Variants in ATM observed in about 807,000 individuals in gnomAD.
ATM encodes ATM serine/threonine kinase.
Under a neutral mutation model 387.0 loss-of-function variants are expected in ATM, and 308 were observed. The observed-to-expected ratio is 0.80, with a 90% CI of 0.73 to 0.87. The LOEUF is 0.87. Ranked by LOEUF, ATM falls within the 40% of genes least tolerant of loss-of-function variation. The pLI is 0.00. For synonymous variants in ATM, 1,156 were observed against 1,187.3 expected, an observed-to-expected ratio of 0.97 and a Z score of 0.54; for missense variants, 3,312 against 3,560.9, an observed-to-expected ratio of 0.93 and a Z score of 1.78.
At chr11:108,323,854 A>G (rs898675593) in intron 45 of ATM, among the ~76,000 whole-genome samples, 20 of 152,190 alleles carry the variant, frequency 1.3e-4, no homozygotes, top group African/African-American at 4.6e-4. Context: ...CAACCAAAAC[A>G]TTAAATAATA....
At position 108,257,543 on chromosome 11, in the gene ATM, C is replaced by T. The variant is rs2135406964; in HGVS notation, c.2313C>T (p.Phe771=). Residue 771 remains phenylalanine (F), a synonymous_variant, in exon 15 of 63, where the codon TTC becomes TTT. Transcript: ENST00000675843. ...TLFKNKTNEE[F]RIGSLRNMMQ... Reference sequence around the variant, plus strand: ...TTAAAAATAAGACAAATGAGGAATTCAGAATTGGTTCCTTGAGAAATATGA... The same window carrying T: ...TTAAAAATAAGACAAATGAGGAATTTAGAATTGGTTCCTTGAGAAATATGA... The T allele has an allele frequency of 6.2e-7, 1 of 1,613,976 alleles. No individual in the cohort carries two copies. The highest frequency in any genetic ancestry group is 2.2e-5 in the East Asian group (1 of 44,870).
Position 108,327,653 on chromosome 11 carries a change from C to T in ATM, c.6984C>T (p.Pro2328=), listed in dbSNP as rs2136373190. The T allele has an allele frequency of 1.2e-6, 2 of 1,613,576 alleles. No individual in the cohort carries two copies. Among genetic ancestry groups the T allele is most frequent in the South Asian group, 2.2e-5 (2 of 91,058 alleles). ...TTGCCTTTCTTATACAGAACAATCC[C>T]AGCCTAAAACTTACATACACAGAAT... The part of the protein sequence containing the change: ...KLDASCAANN[P]SLKLTYTECL... Residue 2328 remains proline (P), a synonymous_variant, in exon 48 of 63, where the codon CCC becomes CCT. Transcript: ENST00000675843.
chr11:108,340,565 AC>A (rs2136853705), intron 56 of ATM, among the ~76,000 whole-genome samples: 1 of 152,288 alleles, frequency 6.6e-6, no homozygotes, highest in African/African-American at 2.4e-5. Context: ...CCCTGCTATT[AC>A]CACCCTACTT....
At position 108,332,171 on chromosome 11, in the gene ATM, T is replaced by TAATC. The variant is rs2086330669; in HGVS notation, c.7788+135_7788+138dup. ...AGGCTGGCACGGTGGCTCACGCCTG[T>TAATC]AATCCCAGCACTTTGGGAGGCTGAG... On this transcript the variant is annotated intron_variant, in intron 52 of 62. Coordinates refer to ENST00000675843, the MANE Select transcript of ATM (RefSeq NM_000051.4). The TAATC allele has an allele frequency of 2.6e-6, 3 of 1,147,918 alleles. No homozygotes were observed. In the South Asian group the frequency reaches 4.1e-5, roughly 16 times the overall value. 71.1% of individuals were successfully genotyped at this position (1,147,918 alleles called of 1,614,324 possible). A position where few individuals can be genotyped will look rare whatever the true frequency, so the allele number is the denominator to read the frequency against.
intron 13 of ATM, among the ~76,000 whole-genome samples, chr11:108,254,412 G>C (rs377448521): frequency 1.3e-5 from 2 of 152,144 alleles, no homozygotes; most frequent in Non-Finnish European, 2.9e-5. Flanking sequence ...GATTTTGGTG[G>C]CATCTGAAGA....
intron 46 of ATM, 54 bp from the exon 47 acceptor site, chr11:108,326,004 G>A (rs2085639950): frequency 2.5e-6 from 4 of 1,574,038 alleles, no homozygotes; most frequent in Non-Finnish European, 2.6e-6. Context: ...TATTATTCAT[G>A]GTAGTAGTAT....
chr11:108,332,631 T>C (rs1441021546), intron 52 of ATM, 131 bp from the exon 53 acceptor site: 2 of 986,146 alleles, frequency 2.0e-6, no homozygotes, highest in Non-Finnish European at 3.0e-6. Context: ...TTTGTTTGTA[T>C]CTGAGGAATT....
In ATM at chr11:108,253,856, A is replaced by C. The variant is rs2080297000; in HGVS notation, c.1941A>C (p.Glu647Asp). The C allele has an allele frequency of 6.2e-7, 1 of 1,613,980 alleles. No individual in the cohort carries two copies. The highest frequency in any genetic ancestry group is 8.5e-7 in the Non-Finnish European group (1 of 1,179,938). The stretch of plus-strand genomic sequence containing the variant: ...ATAAAGAAGAACTTTCATTCTCAGA[A>C]GTAGAAGAACTATTTCTTCAGACAA... ...QKDKEELSFS[E>D]VEELFLQTTF... The change falls in exon 13 of 63, where the codon GAA becomes GAC. Residue 647 changes from glutamate (E) to aspartate (D), a missense_variant. Physicochemically the swap from Glu to Asp is conservative, Grantham distance 45. This residue lies in a region of ATM where 1,791 missense variants were observed against 1,804.5 expected (regional missense o/e 0.99). Transcript: ENST00000675843.
intron 20 of ATM, 127 bp downstream of exon 20, chr11:108,271,533 C>T: frequency 8.5e-7 from 1 of 1,173,610 alleles, no homozygotes; most frequent in Non-Finnish European, 1.3e-6. Context: ...TTAAGAATAG[C>T]AGAATGTAAT....
intron 22 of ATM, 137 bp from the exon 23 acceptor site, chr11:108,279,352 AGT>A: frequency 1.5e-6 from 1 of 682,758 alleles, no homozygotes; most frequent in East Asian, 2.7e-5. Context: ...AGGTTTTGTT[AGT>A]CTTTAAGAAA....
intron 26 of ATM, among the ~76,000 whole-genome samples, chr11:108,286,531 T>C (rs1591652540): frequency 6.6e-6 from 1 of 152,092 alleles, no homozygotes; most frequent in East Asian, 1.9e-4. Flanking sequence ...ATACACCCTA[T>C]GTAAATGAAG....
intron 5 of ATM, among the ~76,000 whole-genome samples, chr11:108,240,017 C>T (rs1231779949): frequency 4.6e-5 from 7 of 152,146 alleles, no homozygotes; most frequent in African/African-American, 1.7e-4. Context: ...AGTGGAAAGT[C>T]CACTGGACAC....
Position 108,316,042 on chromosome 11 carries a change from G to A in ATM, c.6127G>A (p.Gly2043Ser), listed in dbSNP as rs767939328. The A allele has an allele frequency of 1.9e-6, 3 of 1,614,088 alleles. No individual in the cohort carries two copies. Among genetic ancestry groups the A allele is most frequent in the Non-Finnish European group, 2.5e-6 (3 of 1,180,004 alleles). Residue 2043 changes from glycine (G) to serine (S), a missense_variant, in exon 42 of 63, where the codon GGC becomes AGC. Physicochemically the swap from Gly to Ser is moderately conservative, Grantham distance 56. Coordinates refer to ENST00000675843, the MANE Select transcript of ATM (RefSeq NM_000051.4). Reference protein sequence around the residue: ...LRTYEHEAMWGKALVTYDLET... With the variant: ...LRTYEHEAMWSKALVTYDLET... ...AACATATGAACACGAAGCAATGTGGGGCAAAGCCCTAGTAACATATGACCT... is the reference window on the plus strand; with the variant it reads ...AACATATGAACACGAAGCAATGTGGAGCAAAGCCCTAGTAACATATGACCT...
intron 57 of ATM, among the ~76,000 whole-genome samples, chr11:108,343,906 G>A (rs879007357): frequency 1.4e-4 from 21 of 152,246 alleles, no homozygotes; most frequent in African/African-American, 4.3e-4. Flanking sequence ...ATATTCATTC[G>A]CTGAATCAGC....
chr11:108,256,118 GT>G, intron 13 of ATM, 96 bp from the exon 14 acceptor site: 1 of 1,195,382 alleles, frequency 8.4e-7, no homozygotes, highest in Non-Finnish European at 1.1e-6. Flanking sequence ...CTGAACTTTT[GT>G]TTTTTAATAT....
chr11:108,355,113 G>A, intron 61 of ATM: 1 of 519,554 alleles, frequency 1.9e-6, no homozygotes, highest in Non-Finnish European at 3.5e-6. Context: ...GTAGTCTCTA[G>A]TTTTCAATTC....
chr11:108,329,820 T>C (rs142349135), intron 49 of ATM, among the ~76,000 whole-genome samples: 5 of 152,358 alleles, frequency 3.3e-5, no homozygotes, highest in Non-Finnish European at 5.9e-5. Context: ...AATATAGATA[T>C]TAGCTTTCTG....
rs2086676600 is a variant in ATM, at chr11:108,335,019, A to T, written c.8061A>T (p.Lys2687Asn). Residue 2687 changes from lysine to asparagine, a missense_variant, in exon 55 of 63, where the codon AAA (lysine) becomes AAT (asparagine). Lys to Asn is a moderately conservative substitution (Grantham distance 94). Coordinates refer to ENST00000675843, the MANE Select transcript of ATM (RefSeq NM_000051.4). ...YGNLVTIQSF[K>N]AEFRLAGGVN... ...ATCTGGTGACTATACAGTCATTTAAAGCAGAATTTCGCTTAGCAGGAGGTG... is the reference window on the plus strand; with the variant it reads ...ATCTGGTGACTATACAGTCATTTAATGCAGAATTTCGCTTAGCAGGAGGTG... 1 of 1,614,008 alleles carries T rather than the reference A, an allele frequency of 6.2e-7. No individual in the cohort carries two copies. The highest frequency in any genetic ancestry group is 8.5e-7 in the Non-Finnish European group (1 of 1,179,870).
At position 108,329,005 on chromosome 11, in the gene ATM, TTG is replaced by T. The variant is rs2085971654; in HGVS notation, c.7090-12_7090-11del. The T allele has an allele frequency of 3.1e-6, 5 of 1,602,934 alleles. No homozygotes were observed. Among genetic ancestry groups the T allele is most frequent in the African/African-American group, 1.3e-5 (1 of 74,680 alleles). On this transcript the variant is annotated splice_polypyrimidine_tract_variant and intron_variant, in intron 48 of 62. Transcript: ENST00000675843. ...TATTTGTAAATATAATTTAAATTGG[TTG>T]TGTTTTCTTGAAGGCAGTAGAAGTT...
Sources: allele counts gnomAD v4.1 joint callset (sites outside exome capture counted in the v4.1 genomes callset), GRCh38; gene constraint gnomAD v4.1.1; regional missense constraint gnomAD v4.1.1; transcripts MANE v1.5; gene names NCBI Gene and HGNC (gene_info 2026-07-23, HGNC 2026-07-21).